Variants in SAMTOR observed in about 807,000 individuals in gnomAD.
The protein encoded by SAMTOR is UPF0532 protein C7orf60.
At chr7:112,842,947 C>A in the SAMTOR span, among the ~76,000 whole-genome samples, 1 of 151,928 alleles carries the variant, frequency 6.6e-6, no homozygotes. Flanking sequence ...TATTAAAAAA[C>A]TAAAACTACA....
the SAMTOR span, among the ~76,000 whole-genome samples, chr7:112,857,197 T>C: frequency 6.8e-6 from 1 of 147,954 alleles, no homozygotes; most frequent in Non-Finnish European, 1.5e-5. Context: ...GTTCACGCCA[T>C]TCTCCTGCCT....
chr7:112,936,597 A>C, the SAMTOR span, among the ~76,000 whole-genome samples: 8 of 152,316 alleles, frequency 5.3e-5, no homozygotes, highest in South Asian at 8.3e-4. Context: ...AAAAAGAACA[A>C]CACAACTTAT....
the SAMTOR span, among the ~76,000 whole-genome samples, chr7:112,877,489 A>T: frequency 6.6e-6 from 1 of 152,220 alleles, no homozygotes; most frequent in Non-Finnish European, 1.5e-5. Context: ...TAAAAAATGT[A>T]TTAACTCATT....
At chr7:112,894,211 G>T in the SAMTOR span, among the ~76,000 whole-genome samples, 1 of 151,688 alleles carries the variant, frequency 6.6e-6, no homozygotes. Context: ...GGGGAGAGAG[G>T]AGAGGGGAGA....
At chr7:112,826,922 T>C in the SAMTOR span, among the ~76,000 whole-genome samples, 1 of 152,186 alleles carries the variant, frequency 6.6e-6, no homozygotes, top group Admixed American at 6.5e-5. Flanking sequence ...TATCAATGTT[T>C]ATGTTTCCTT....
the SAMTOR span, among the ~76,000 whole-genome samples, chr7:112,837,119 T>C: frequency 1.3e-5 from 2 of 151,670 alleles, no homozygotes; most frequent in Admixed American, 6.6e-5. Flanking sequence ...GATTCGAGCA[T>C]TGTTTTGCAA....
chr7:112,867,348 A>G, the SAMTOR span, among the ~76,000 whole-genome samples: 1 of 152,364 alleles, frequency 6.6e-6, no homozygotes, highest in African/African-American at 2.4e-5. Context: ...AAGAACATGT[A>G]TAACTACTGA....
At chr7:112,856,014 A>C in the SAMTOR span, among the ~76,000 whole-genome samples, 1 of 152,114 alleles carries the variant, frequency 6.6e-6, no homozygotes, top group Non-Finnish European at 1.5e-5. Flanking sequence ...CTGAGACTTA[A>C]GTGTTTCGTG....
At chr7:112,880,752 G>A in the SAMTOR span, among the ~76,000 whole-genome samples, 2 of 152,122 alleles carry the variant, frequency 1.3e-5, no homozygotes, top group African/African-American at 4.8e-5. Flanking sequence ...ATATATATTT[G>A]ATTAATATAC....
At chr7:112,837,973 A>G in the SAMTOR span, among the ~76,000 whole-genome samples, 1 of 152,136 alleles carries the variant, frequency 6.6e-6, no homozygotes, top group East Asian at 1.9e-4. Context: ...TCGTTAAGGC[A>G]CAATACAGCA....
At chr7:112,917,636 G>A in the SAMTOR span, among the ~76,000 whole-genome samples, 3 of 152,256 alleles carry the variant, frequency 2.0e-5, no homozygotes, top group Non-Finnish European at 4.4e-5. Flanking sequence ...GGCTTCAGAC[G>A]ATCAAACTAC....
chr7:112,867,441 T>C, the SAMTOR span, among the ~76,000 whole-genome samples: 1 of 152,232 alleles, frequency 6.6e-6, no homozygotes, highest in African/African-American at 2.4e-5. Flanking sequence ...ATTAAAAGTC[T>C]TCTTATAACT....
At chr7:112,894,877 C>T in the SAMTOR span, among the ~76,000 whole-genome samples, 4 of 152,136 alleles carry the variant, frequency 2.6e-5, no homozygotes, top group Non-Finnish European at 5.9e-5. Flanking sequence ...AGGGTTGCCA[C>T]AAACCTTCAA....
the SAMTOR span, among the ~76,000 whole-genome samples, chr7:112,862,843 C>A: frequency 1.3e-5 from 2 of 151,418 alleles, no homozygotes; most frequent in African/African-American, 2.4e-5. Context: ...GCAGGAGAAT[C>A]GCTTGAACCC....
the SAMTOR span, among the ~76,000 whole-genome samples, chr7:112,913,487 TGCCCTTCCTATA>T: frequency 0.011 from 1,623 of 152,354 alleles, 30 homozygotes; most frequent in African/African-American, 0.037. Context: ...CTGACACCCT[TGCCCTTCCTATA>T]GTCTGTTCTT....
the SAMTOR span, among the ~76,000 whole-genome samples, chr7:112,879,957 A>G: frequency 1.3e-5 from 2 of 152,194 alleles, no homozygotes; most frequent in Non-Finnish European, 2.9e-5. Flanking sequence ...TCTAGTTACT[A>G]AAATAATAAG....
the SAMTOR span, among the ~76,000 whole-genome samples, chr7:112,854,506 A>G: frequency 1.3e-5 from 2 of 152,218 alleles, no homozygotes; most frequent in Non-Finnish European, 2.9e-5. Flanking sequence ...CATAGAATTA[A>G]TGATTTATAT....
chr7:112,889,523 G>A, the SAMTOR span, among the ~76,000 whole-genome samples: 1 of 151,970 alleles, frequency 6.6e-6, no homozygotes, highest in East Asian at 1.9e-4. Context: ...CACACAATGG[G>A]GACTGATGCT....
chr7:112,935,250 T>A, the SAMTOR span: 1 of 447,488 alleles, frequency 2.2e-6, no homozygotes, highest in Admixed American at 2.4e-5. Context: ...TTAAAGCAGC[T>A]GTGTTTAAAG....
Sources: allele counts gnomAD v4.1 joint callset (sites outside exome capture counted in the v4.1 genomes callset), GRCh38; gene constraint gnomAD v4.1.1; transcripts MANE v1.5; gene names NCBI Gene and HGNC (gene_info 2026-07-23, HGNC 2026-07-21).